Variants in SPRED1 observed in about 807,000 individuals in gnomAD.
SPRED1 encodes the protein sprouty-related, EVH1 domain-containing protein 1.
Under a neutral mutation model 52.3 loss-of-function variants are expected in SPRED1, and 18 were observed. That is an observed-to-expected ratio of 0.34 (90% CI 0.24 to 0.51). The LOEUF (loss-of-function observed/expected upper bound fraction) is 0.51. Among genes scored for constraint, SPRED1 ranks in the 20% least tolerant of loss-of-function variants. The pLI is 0.97. For missense variants in SPRED1, 485 were observed against 551.0 expected, an observed-to-expected ratio of 0.88 and a Z score of 1.20; for synonymous variants, 155 against 179.7, an observed-to-expected ratio of 0.86 and a Z score of 1.10.
At chr15:38,278,738 G>C (rs1894614811) in intron 1 of SPRED1, among the ~76,000 whole-genome samples, 1 of 143,788 alleles carries the variant, frequency 7.0e-6, no homozygotes, top group Non-Finnish European at 1.5e-5. Flanking sequence ...TGTGTAAATA[G>C]TTATACGGCA....
In SPRED1 at chr15:38,353,492, T is replaced by C. The variant is rs1888541347; in HGVS notation, c.*1828T>C. ...GAAGAGGGTATTTCTAGTTTTGTAC[T>C]AAAAATCAATTGGATGAACTAAATC... On this transcript the variant is annotated 3_prime_UTR_variant, in exon 7 of 7. Coordinates refer to ENST00000299084, the MANE Select transcript of SPRED1 (RefSeq NM_152594.3). The C allele has an allele frequency of 6.6e-6, 1 of 152,540 alleles. No individual in the cohort carries two copies. The highest frequency in any genetic ancestry group is 1.5e-5 in the Non-Finnish European group (1 of 67,964). The allele number at this position is 152,540 out of a possible 1,614,324, so 9.4% of individuals were successfully genotyped here.
chr15:38,336,346 C>G (rs1283736534), intron 4 of SPRED1, among the ~76,000 whole-genome samples: 1 of 147,458 alleles, frequency 6.8e-6, no homozygotes, highest in African/African-American at 2.5e-5. Context: ...GGAACCAGCC[C>G]AAATGCCCAT....
chr15:38,254,195 A>G (rs1046934736), intron 1 of SPRED1, among the ~76,000 whole-genome samples: 1 of 152,216 alleles, frequency 6.6e-6, no homozygotes, highest in Non-Finnish European at 1.5e-5. Context: ...GAGGGTTGGA[A>G]AGAGTTAAGT....
chr15:38,317,647 T>TA (rs1895515175), intron 2 of SPRED1, among the ~76,000 whole-genome samples: 1 of 151,948 alleles, frequency 6.6e-6, no homozygotes, highest in Non-Finnish European at 1.5e-5. Flanking sequence ...AGTGTTCTGA[T>TA]ATAGTTGAGA....
intron 4 of SPRED1, among the ~76,000 whole-genome samples, chr15:38,335,566 T>C (rs1300339546): frequency 6.7e-6 from 1 of 149,784 alleles, no homozygotes; most frequent in East Asian, 1.9e-4. Context: ...ATGTCTCAGT[T>C]AATTATTTCA....
intron 1 of SPRED1, among the ~76,000 whole-genome samples, chr15:38,269,142 G>T (rs1320546595): frequency 6.6e-6 from 1 of 151,858 alleles, no homozygotes; most frequent in African/African-American, 2.4e-5. Context: ...GGGTTTCACC[G>T]TGTGTTAGCC....
Position 38,253,023 on chromosome 15 carries a change from T to TGG in SPRED1, c.-157_-156dup. 1.5e-6 allele frequency: 1 copy of TGG among 671,730 alleles called. No individual in the cohort carries two copies. Among genetic ancestry groups the TGG allele is most frequent in the South Asian group, 1.6e-5 (1 of 61,232 alleles). The allele number at this position is 671,730 out of a possible 1,614,324, so 41.6% of individuals were successfully genotyped here. A position where few individuals can be genotyped will look rare whatever the true frequency, so the allele number is the denominator to read the frequency against. ...TGCGGGGGTGGCCGGGGTTCCCGGC[T>TGG]GGGGGGGTACCGTTCTGGGTGAGGC... On this transcript the variant is annotated 5_prime_UTR_variant, in exon 1 of 7. Transcript: ENST00000299084.
intron 1 of SPRED1, among the ~76,000 whole-genome samples, chr15:38,255,605 T>C (rs1303108094): frequency 6.6e-6 from 1 of 152,204 alleles, no homozygotes. Flanking sequence ...AGTGAACTTA[T>C]TTGGAATGTA....
At chr15:38,284,689 C>T (rs1894767429) in intron 1 of SPRED1, among the ~76,000 whole-genome samples, 2 of 151,546 alleles carry the variant, frequency 1.3e-5, no homozygotes, top group African/African-American at 2.4e-5. Context: ...TTTTTTTTTC[C>T]GATGGATAGA....
intron 1 of SPRED1, among the ~76,000 whole-genome samples, chr15:38,273,993 T>A (rs1186012456): frequency 6.6e-6 from 1 of 152,214 alleles, no homozygotes; most frequent in Non-Finnish European, 1.5e-5. Flanking sequence ...TAGATAATCT[T>A]GAGAACTTTT....
intron 2 of SPRED1, among the ~76,000 whole-genome samples, chr15:38,306,881 A>G (rs1369381050): frequency 6.6e-6 from 1 of 152,030 alleles, no homozygotes; most frequent in Admixed American, 6.6e-5. Context: ...TTTCCTCTTT[A>G]CAATTTATTT....
chr15:38,265,943 G>A (rs941506969), intron 1 of SPRED1, among the ~76,000 whole-genome samples: 17 of 152,082 alleles, frequency 1.1e-4, no homozygotes, highest in East Asian at 1.9e-4. Flanking sequence ...TTAGATGGAC[G>A]CACTATTTCT....
intron 4 of SPRED1, among the ~76,000 whole-genome samples, chr15:38,328,002 ATTC>A (rs1595749784): frequency 6.6e-6 from 1 of 152,202 alleles, no homozygotes; most frequent in Non-Finnish European, 1.5e-5. Flanking sequence ...TTAGAAGGTC[ATTC>A]TTCTTTTGGA....
intron 1 of SPRED1, among the ~76,000 whole-genome samples, chr15:38,296,233 G>T (rs936710584): frequency 2.0e-5 from 3 of 152,018 alleles, no homozygotes; most frequent in African/African-American, 7.2e-5. Flanking sequence ...AGGGAGAAAA[G>T]AAACTAAAAA....
At chr15:38,278,726 G>A (rs1047546791) in intron 1 of SPRED1, among the ~76,000 whole-genome samples, 1 of 150,190 alleles carries the variant, frequency 6.7e-6, no homozygotes, top group Admixed American at 6.6e-5. Flanking sequence ...CAATGCAAAT[G>A]CTGTGTAAAT....
chr15:38,252,975 G>GGAGGTTGCTGCCGCCACCCCC lies in SPRED1; in HGVS notation c.-210_-190dup. ...GGGAAGAGGCTGGGGTCGCCACGGC[G>GGAGGTTGCTGCCGCCACCCCC]GAGGTTGCTGCCGCCACCCCCCTGC... On this transcript the variant is annotated 5_prime_UTR_variant, in exon 1 of 7. Coordinates refer to ENST00000299084, the MANE Select transcript of SPRED1 (RefSeq NM_152594.3). 1 of 602,422 alleles carries GGAGGTTGCTGCCGCCACCCCC rather than the reference G, an allele frequency of 1.7e-6. No individual in the cohort carries two copies. Among genetic ancestry groups the GGAGGTTGCTGCCGCCACCCCC allele is most frequent in the African/African-American group, 1.9e-5 (1 of 53,736 alleles). 37.3% of individuals were successfully genotyped at this position (602,422 alleles called of 1,614,324 possible).
At position 38,342,966 on chromosome 15, in the gene SPRED1, A is replaced by G. The variant is rs142731748; in HGVS notation, c.582+3071A>G. ...TTAGAATTATTTTGGAAGACTATAT[A>G]TGTTCTATTTTAAAACTATTAGCGG... On this transcript the variant is annotated intron_variant, in intron 5 of 6. Transcript: ENST00000299084. 4.1e-3 allele frequency among the ~76,000 whole-genome samples: 627 copies of G among 152,240 alleles called. 6 individuals are homozygous for G. The highest frequency in any genetic ancestry group is 0.014 in the African/African-American group (584 of 41,574).
At chr15:38,263,309 G>C (rs1169816562) in intron 1 of SPRED1, among the ~76,000 whole-genome samples, 4 of 152,184 alleles carry the variant, frequency 2.6e-5, no homozygotes, top group Non-Finnish European at 5.9e-5. Flanking sequence ...GGATGTCAAG[G>C]TAGAAAGTGT....
At chr15:38,338,255 G>A (rs1336686909) in intron 4 of SPRED1, among the ~76,000 whole-genome samples, 2 of 147,390 alleles carry the variant, frequency 1.4e-5, no homozygotes, top group Non-Finnish European at 3.0e-5. Flanking sequence ...AGAGAAGTTA[G>A]ACAAGATTCT....
Sources: gnomAD v4.1 joint callset for allele counts (sites outside exome capture counted in the v4.1 genomes callset) on GRCh38, gnomAD v4.1.1 for gene constraint, MANE v1.5 for transcripts, NCBI Gene and HGNC (gene_info 2026-07-23, HGNC 2026-07-21) for gene names.